NELL1: variants seen among roughly 807,000 people sequenced by gnomAD.
The protein encoded by NELL1 is protein kinase C-binding protein NELL1.
In NELL1, 76 loss-of-function variants were observed where a neutral mutation model predicts 107.4. The ratio of observed to expected loss-of-function variants is 0.71; its 90% CI spans 0.59 to 0.86. The LOEUF is 0.86. NELL1 is among the 40% of genes least tolerant of loss of function. The probability of loss-of-function intolerance (pLI) is 0.00; values close to 1 mark genes in which losing one functional copy is unlikely to be tolerated. For synonymous variants in NELL1, 353 were observed against 341.2 expected (o/e 1.03, Z -0.38); for missense variants, 1,024 against 1,005.5 (o/e 1.02, Z -0.25).
intron 16 of NELL1, among the ~76,000 whole-genome samples, chr11:21,550,780 C>T (rs1249307323): frequency 6.6e-6 from 1 of 152,024 alleles, no homozygotes; most frequent in Non-Finnish European, 1.5e-5. Context: ...AGCGTGATGC[C>T]TCCAGCTTTG....
At chr11:21,146,091 G>C (rs777825079) in intron 13 of NELL1, among the ~76,000 whole-genome samples, 7 of 152,140 alleles carry the variant, frequency 4.6e-5, no homozygotes, top group African/African-American at 7.2e-5. Flanking sequence ...GTAAAATGGT[G>C]ATAATAATAT....
At chr11:21,037,256 T>C (rs1257878416) in intron 12 of NELL1, among the ~76,000 whole-genome samples, 1 of 152,146 alleles carries the variant, frequency 6.6e-6, no homozygotes, top group Non-Finnish European at 1.5e-5. Context: ...AATGTGAATT[T>C]ACCCACCTTA....
intron 12 of NELL1, among the ~76,000 whole-genome samples, chr11:21,055,073 GTTA>G (rs1012648677): frequency 3.3e-5 from 5 of 152,014 alleles, no homozygotes; most frequent in African/African-American, 1.2e-4. Flanking sequence ...GGTGTCTAAT[GTTA>G]TTATTTTTTT....
intron 14 of NELL1, among the ~76,000 whole-genome samples, chr11:21,358,881 T>C (rs1271328260): frequency 6.6e-6 from 1 of 152,078 alleles, no homozygotes; most frequent in Non-Finnish European, 1.5e-5. Flanking sequence ...TAGGAGCTTT[T>C]TGGATGAGTT....
chr11:20,746,741 T>C (rs1856013137), intron 2 of NELL1, among the ~76,000 whole-genome samples: 1 of 152,200 alleles, frequency 6.6e-6, no homozygotes, highest in African/African-American at 2.4e-5. Context: ...CTCAGTACAC[T>C]CACCAGTTTT....
chr11:21,097,456 C>T lies in NELL1; in HGVS notation c.1301-16133C>T, dbSNP rs61880818. Among the ~76,000 whole-genome samples the T allele has an allele frequency of 5.7e-3, 873 of 152,266 alleles. 7 individuals are homozygous for T. The highest frequency in any genetic ancestry group is 9.5e-3 in the Non-Finnish European group (644 of 68,030). ...GCAGTCCTTATCTCTTTGTCCCTCC[C>T]TATGGGCTGGGGATGGACTGCACAA... On this transcript the variant is annotated intron_variant, in intron 12 of 19. Coordinates refer to ENST00000357134, the MANE Select transcript of NELL1 (RefSeq NM_006157.5).
chr11:21,200,984 G>T (rs1354479535), intron 13 of NELL1, among the ~76,000 whole-genome samples: 1 of 152,078 alleles, frequency 6.6e-6, no homozygotes, highest in Non-Finnish European at 1.5e-5. Flanking sequence ...TGTTCCATTG[G>T]TCTATATATC....
intron 14 of NELL1, among the ~76,000 whole-genome samples, chr11:21,332,529 G>T (rs1395230595): frequency 6.6e-6 from 1 of 151,878 alleles, no homozygotes; most frequent in Non-Finnish European, 1.5e-5. Flanking sequence ...TCTGAAAACA[G>T]TTGTTTTATA....
At chr11:20,687,290 A>G (rs1274165688) in intron 2 of NELL1, among the ~76,000 whole-genome samples, 1 of 152,020 alleles carries the variant, frequency 6.6e-6, no homozygotes, top group Non-Finnish European at 1.5e-5. Flanking sequence ...ATGGTCAGAT[A>G]TTAATGTAGA....
chr11:21,283,645 T>C (rs1670654), intron 14 of NELL1: 56,375 of 156,998 alleles, frequency 0.36, 11,954 homozygotes, highest in Non-Finnish European at 0.48. Flanking sequence ...GTCTGTGAAA[T>C]AGAACACAAG....
intron 13 of NELL1, among the ~76,000 whole-genome samples, chr11:21,119,457 C>T (rs769044058): frequency 1.1e-4 from 17 of 150,960 alleles, no homozygotes; most frequent in Non-Finnish European, 2.5e-4. Context: ...GAATAATTAT[C>T]TAGAGCTTAA....
chr11:21,074,968 T>A (rs1945329), intron 12 of NELL1, among the ~76,000 whole-genome samples: 1 of 152,156 alleles, frequency 6.6e-6, no homozygotes, highest in Non-Finnish European at 1.5e-5. Flanking sequence ...AAATTAATTT[T>A]GCATGGGTAG....
chr11:20,846,866 T>C (rs1755130283), intron 3 of NELL1, among the ~76,000 whole-genome samples: 1 of 152,180 alleles, frequency 6.6e-6, no homozygotes, highest in African/African-American at 2.4e-5. Flanking sequence ...GTTGTGTGCC[T>C]GAGGAGTGTC....
intron 2 of NELL1, among the ~76,000 whole-genome samples, chr11:20,696,795 C>A (rs543097137): frequency 4.6e-5 from 7 of 152,102 alleles, no homozygotes; most frequent in South Asian, 2.1e-4. Context: ...AACAGCCACC[C>A]TCCTCAACTC....
intron 2 of NELL1, among the ~76,000 whole-genome samples, chr11:20,783,180 G>C (rs1160005474): frequency 6.6e-6 from 1 of 152,208 alleles, no homozygotes; most frequent in Admixed American, 6.5e-5. Context: ...ATTGTGGGGA[G>C]AAGGAAGCTG....
At chr11:21,304,555 G>C (rs1193552362) in intron 14 of NELL1, among the ~76,000 whole-genome samples, 1 of 147,456 alleles carries the variant, frequency 6.8e-6, no homozygotes, top group African/African-American at 2.5e-5. Flanking sequence ...GTACAAATCA[G>C]CTTCTTTTGT....
chr11:20,917,036 C>T (rs1850273480), intron 5 of NELL1, among the ~76,000 whole-genome samples: 1 of 151,966 alleles, frequency 6.6e-6, no homozygotes, highest in African/African-American at 2.4e-5. Context: ...GTGATAGCCT[C>T]TCAAAGAGTT....
intron 13 of NELL1, among the ~76,000 whole-genome samples, chr11:21,128,255 C>A (rs2133753090): frequency 6.6e-6 from 1 of 152,236 alleles, no homozygotes; most frequent in East Asian, 1.9e-4. Context: ...TAAAGTGAGT[C>A]TTTGCCTCAT....
At chr11:20,856,400 C>T (rs1311645522) in intron 4 of NELL1, among the ~76,000 whole-genome samples, 3 of 152,228 alleles carry the variant, frequency 2.0e-5, no homozygotes, top group African/African-American at 7.2e-5. Context: ...TGCCATGTCG[C>T]ATCCCTACTC....
Sources: gnomAD v4.1 joint callset for allele counts (sites outside exome capture counted in the v4.1 genomes callset) on GRCh38, gnomAD v4.1.1 for gene constraint, MANE v1.5 for transcripts, NCBI Gene and HGNC (gene_info 2026-07-23, HGNC 2026-07-21) for gene names.